The following CSMD1 variants were observed in gnomAD, a reference collection of about 807,000 sequenced individuals.
The protein encoded by CSMD1 is CUB and sushi domain-containing protein 1.
CSMD1 carries 213 observed loss-of-function variants against 417.5 expected under a neutral mutation model. That is an observed-to-expected ratio of 0.51 (90% CI 0.46 to 0.57). CSMD1 has a LOEUF of 0.57. Ranked by LOEUF, CSMD1 falls within the 20% of genes least tolerant of loss-of-function variation. CSMD1 has a pLI of 0.00. For missense variants in CSMD1, 6,923 were observed against 4,529.7 expected, an observed-to-expected ratio of 1.53 and a Z score of -15.17; for synonymous variants, 2,862 against 1,736.8, an observed-to-expected ratio of 1.65 and a Z score of -16.11.
chr8:4,113,390 CTTTT>C (rs59647790), intron 3 of CSMD1, among the ~76,000 whole-genome samples: 27,698 of 80,898 alleles, frequency 0.34, 4,792 homozygotes, highest in East Asian at 0.46. Flanking sequence ...AATAAAAGGG[CTTTT>C]TTTTTTTTTT....
intron 5 of CSMD1, among the ~76,000 whole-genome samples, chr8:3,818,753 G>A (rs1391325221): frequency 6.6e-6 from 1 of 152,152 alleles, no homozygotes; most frequent in Non-Finnish European, 1.5e-5. Context: ...TAGACAGATG[G>A]TGTTAAAACA....
intron 42 of CSMD1, among the ~76,000 whole-genome samples, chr8:3,113,868 T>C (rs1816689500): frequency 6.6e-6 from 1 of 152,166 alleles, no homozygotes; most frequent in Non-Finnish European, 1.5e-5. Flanking sequence ...CTTTATGCAA[T>C]GTGACTTTCT....
chr8:3,982,187 TAA>T (rs1813930418), intron 5 of CSMD1, among the ~76,000 whole-genome samples: 1 of 128,488 alleles, frequency 7.8e-6, no homozygotes, highest in African/African-American at 2.7e-5. Context: ...ATAATAATAA[TAA>T]TATTAATAAA....
At chr8:4,914,583 GAAAA>G (rs59293226) in intron 1 of CSMD1, among the ~76,000 whole-genome samples, 33,368 of 133,744 alleles carry the variant, frequency 0.25, 4,375 homozygotes, top group East Asian at 0.53. Flanking sequence ...CTCCCAAAAA[GAAAA>G]AAAAAAAAAA....
chr8:4,332,458 T>C (rs1210553812), intron 3 of CSMD1, among the ~76,000 whole-genome samples: 1 of 151,962 alleles, frequency 6.6e-6, no homozygotes, highest in Non-Finnish European at 1.5e-5. Flanking sequence ...AAACAGTGTG[T>C]ACTGTCTCTC....
intron 3 of CSMD1, among the ~76,000 whole-genome samples, chr8:4,277,915 T>C (rs576824150): frequency 6.6e-6 from 1 of 151,878 alleles, no homozygotes; most frequent in East Asian, 1.9e-4. Flanking sequence ...CCCCGGCTAA[T>C]TTTTTTGTAT....
chr8:4,192,250 A>T (rs1361820978), intron 3 of CSMD1, among the ~76,000 whole-genome samples: 2 of 152,188 alleles, frequency 1.3e-5, no homozygotes, highest in African/African-American at 4.8e-5. Flanking sequence ...GTTCGTTAGG[A>T]TTATAAATTA....
At chr8:4,142,778 A>T (rs1466513746) in intron 3 of CSMD1, among the ~76,000 whole-genome samples, 1 of 151,136 alleles carries the variant, frequency 6.6e-6, no homozygotes. Flanking sequence ...AGTGCAAAAC[A>T]GGCTTCAACA....
intron 5 of CSMD1, among the ~76,000 whole-genome samples, chr8:3,858,094 A>C (rs1804440487): frequency 6.6e-6 from 1 of 152,250 alleles, no homozygotes; most frequent in African/African-American, 2.4e-5. Context: ...TGTCCAATTG[A>C]ATTTTAATAA....
chr8:3,179,620 A>T (rs551030367), intron 37 of CSMD1, among the ~76,000 whole-genome samples: 1 of 152,314 alleles, frequency 6.6e-6, no homozygotes, highest in South Asian at 2.1e-4. Flanking sequence ...CCCTCTTTCC[A>T]AGACAAAGGA....
intron 5 of CSMD1, among the ~76,000 whole-genome samples, chr8:3,856,139 G>A (rs35006024): frequency 7.8e-4 from 119 of 152,196 alleles, no homozygotes; most frequent in African/African-American, 2.8e-3. Context: ...CTTGGTGGGA[G>A]GTGACTGGAT....
At chr8:4,735,262 A>G (rs1343783189) in intron 1 of CSMD1, among the ~76,000 whole-genome samples, 1 of 152,144 alleles carries the variant, frequency 6.6e-6, no homozygotes, top group Non-Finnish European at 1.5e-5. Context: ...GAAAAAGCCT[A>G]AGGTCTTCTC....
chr8:4,374,306 A>C lies in CSMD1; in HGVS notation c.415+45647T>G, dbSNP rs560759592. ...CTACTGTTATGCTGTATTAGAGTAC[A>C]ATATAATTACAGTACAATGTAATCT... On this transcript the variant is annotated intron_variant, in intron 3 of 69. Transcript: ENST00000635120. 2.6e-5 allele frequency among the ~76,000 whole-genome samples: 4 copies of C among 152,272 alleles called. No homozygotes were observed. In the East Asian group the frequency reaches 7.7e-4, roughly 29 times the overall value.
intron 2 of CSMD1, among the ~76,000 whole-genome samples, chr8:4,465,398 T>G (rs1338104356): frequency 6.6e-6 from 1 of 152,182 alleles, no homozygotes; most frequent in Non-Finnish European, 1.5e-5. Flanking sequence ...TGAAAGTCTA[T>G]TTCATCATGC....
chr8:3,065,846 G>C (rs536746436), intron 49 of CSMD1, among the ~76,000 whole-genome samples: 75 of 152,236 alleles, frequency 4.9e-4, no homozygotes, highest in African/African-American at 1.7e-3. Flanking sequence ...GTGATAAAAG[G>C]CAAGTAGCAG....
chr8:3,433,849 T>C (rs1235517340), intron 12 of CSMD1, among the ~76,000 whole-genome samples: 1 of 152,184 alleles, frequency 6.6e-6, no homozygotes, highest in Non-Finnish European at 1.5e-5. Context: ...CCATTCTCTG[T>C]TGCACTGGAA....
chr8:4,110,918 C>A (rs1284094810), intron 3 of CSMD1, among the ~76,000 whole-genome samples: 1 of 152,044 alleles, frequency 6.6e-6, no homozygotes, highest in East Asian at 1.9e-4. Flanking sequence ...GAGACAATGA[C>A]ATTCTAGAAG....
At chr8:3,485,943 TATAAAGATCCCTTCGTATTAACACCAGGG>T (rs1818008843) in intron 11 of CSMD1, among the ~76,000 whole-genome samples, 1 of 152,154 alleles carries the variant, frequency 6.6e-6, no homozygotes, top group Non-Finnish European at 1.5e-5. Flanking sequence ...GGACGAAGTC[TATAAAGATCCCTTCGTATTAACACCAGGG>T]GTTCAATGAG....
At position 3,194,449 on chromosome 8, in the gene CSMD1, TATTTTATTTTATTTC is replaced by T. The variant is rs1273660779; in HGVS notation, c.5195-4349_5195-4335del. Among the ~76,000 whole-genome samples, 127 of 145,946 alleles carry T rather than the reference TATTTTATTTTATTTC, an allele frequency of 8.7e-4. 1 individual carries two copies. The highest frequency in any genetic ancestry group is 3.3e-3 in the African/African-American group (124 of 37,260). ...TATTTTATTTTATTTTATTTTATTT[TATTTTATTTTATTTC>T]ATTTCATTTTTGAGGTGGAAACTCA... On this transcript the variant is annotated intron_variant, in intron 33 of 69. Transcript: ENST00000635120.
Sources: allele counts gnomAD v4.1 joint callset (sites outside exome capture counted in the v4.1 genomes callset), GRCh38; gene constraint gnomAD v4.1.1; transcripts MANE v1.5; gene names NCBI Gene and HGNC (gene_info 2026-07-23, HGNC 2026-07-21).